SPTBN5: variants seen among roughly 807,000 people sequenced by gnomAD.
The protein encoded by SPTBN5 is spectrin beta chain, non-erythrocytic 5.
SPTBN5 carries 513 observed loss-of-function variants against 477.6 expected under a neutral mutation model. That is an observed-to-expected ratio of 1.07 (90% CI 1.00 to 1.16). The LOEUF (loss-of-function observed/expected upper bound fraction) is 1.16. SPTBN5 is among the 50% of genes most tolerant of loss of function. SPTBN5 has a pLI of 0.00. For missense variants in SPTBN5, 5,062 were observed against 4,731.8 expected (o/e 1.07, Z -2.05); for synonymous variants, 2,169 against 2,011.7 (o/e 1.08, Z -2.09).
intron 14 of SPTBN5, 126 bp from the exon 15 acceptor site, chr15:41,879,990 GAC>G: frequency 6.9e-7 from 1 of 1,449,900 alleles, no homozygotes; most frequent in Non-Finnish European, 9.3e-7. Context: ...CCCCTGGAAA[GAC>G]AGCCATCCGA....
Position 41,886,163 on chromosome 15 carries a change from C to T in SPTBN5, c.1092G>A (p.Gly364=), listed in dbSNP as rs1204225216. ...GCCGGAAGAGCAGGGCCTCTGCGGC[C>T]CCTCGCTGCTGTAGCCGGGGTGGCT... ...QEKPPRLQQR[G]AAEALLFRLQ... Residue 364 remains glycine, a synonymous_variant, in exon 7 of 68, where the codon GGG becomes GGA. Coordinates refer to ENST00000320955, the MANE Select transcript of SPTBN5 (RefSeq NM_016642.4). 1 of 1,612,454 alleles carries T rather than the reference C, an allele frequency of 6.2e-7. No individual in the cohort carries two copies. Among genetic ancestry groups the T allele is most frequent in the East Asian group, 2.2e-5 (1 of 44,872 alleles).
chr15:41,877,535 CCTTAAG>C (rs1276739196), intron 17 of SPTBN5, among the ~76,000 whole-genome samples, 179 bp from the exon 18 acceptor site: 9 of 152,244 alleles, frequency 5.9e-5, no homozygotes, highest in Non-Finnish European at 1.0e-4. Flanking sequence ...AGCCGGCCGT[CCTTAAG>C]TGTGGACTGC....
intron 3 of SPTBN5, among the ~76,000 whole-genome samples, chr15:41,892,152 G>A (rs1229712148): frequency 6.6e-6 from 1 of 152,186 alleles, no homozygotes; most frequent in African/African-American, 2.4e-5. Flanking sequence ...CTGGATGTAA[G>A]CTCCACTCCA....
In SPTBN5 at chr15:41,855,338, C is replaced by A. The variant is rs747753519; in HGVS notation, c.9309G>T (p.Glu3103Asp). 5 of 1,607,582 alleles carry A rather than the reference C, an allele frequency of 3.1e-6. 1 individual carries two copies. Among genetic ancestry groups the A allele is most frequent in the South Asian group, 2.2e-5 (2 of 91,058 alleles). Residue 3103 changes from glutamate to aspartate, a missense_variant, in exon 55 of 68, where the codon GAG becomes GAT. Coordinates refer to ENST00000320955, the MANE Select transcript of SPTBN5 (RefSeq NM_016642.4). ...GCTCCAGCTGGTGTAGCTGCAGCTG[C>A]TCCTGCAGGCCGTGCCCCCTGGCCT... ...RAEARGHGLQ[E>D]QLQLHQLERE...
chr15:41,848,146 T>G lies in SPTBN5; in HGVS notation c.*470A>C. On this transcript the variant is annotated 3_prime_UTR_variant, in exon 68 of 68. Coordinates refer to ENST00000320955, the MANE Select transcript of SPTBN5 (RefSeq NM_016642.4). ...GATACATCACAGACTCATACAAATG[T>G]GAGGCGCTGAGACCATCTGTTATTA... 1.8e-6 allele frequency: 1 copy of G among 553,436 alleles called. No homozygotes were observed. The highest frequency in any genetic ancestry group is 3.2e-6 in the Non-Finnish European group (1 of 308,982). The allele number at this position is 553,436 out of a possible 1,614,324, so 34.3% of individuals were successfully genotyped here.
intron 66 of SPTBN5, 176 bp from the exon 67 acceptor site, chr15:41,850,135 TC>T (rs1046678775): frequency 7.1e-5 from 43 of 605,316 alleles, no homozygotes; most frequent in Non-Finnish European, 1.1e-4. Flanking sequence ...GGCAGGTTTT[TC>T]CCCCATGCGT....
rs375580860 is a variant in SPTBN5, at chr15:41,851,100, C to T, written c.10794G>A (p.Arg3598=). Residue 3598 remains arginine, a synonymous_variant, in exon 65 of 68, where the codon AGG becomes AGA. Coordinates refer to ENST00000320955, the MANE Select transcript of SPTBN5 (RefSeq NM_016642.4). The part of the protein sequence containing the change: ...LLDLTGARCE[R]LRGRHGRKHT... ...GTTTCCTGCCGTGGCGGCCCCGCAG[C>T]CTCTCACACCGGGCTCCCGTGAGGT... 6.2e-7 allele frequency: 1 copy of T among 1,613,110 alleles called. No individual in the cohort carries two copies. Among genetic ancestry groups the T allele is most frequent in the African/African-American group, 1.3e-5 (1 of 74,954 alleles).
chr15:41,859,415 T>A (rs1419051324), intron 47 of SPTBN5, among the ~76,000 whole-genome samples: 2 of 152,202 alleles, frequency 1.3e-5, no homozygotes, highest in African/African-American at 4.8e-5. Flanking sequence ...TACCTCGGCC[T>A]CCCAAAGTGC....
chr15:41,881,986 GC>G lies in SPTBN5; in HGVS notation c.2406del (p.Arg803GlyfsTer18). 1 of 1,535,702 alleles carries G rather than the reference GC, an allele frequency of 6.5e-7. No individual in the cohort carries two copies. The highest frequency in any genetic ancestry group is 8.7e-7 in the Non-Finnish European group (1 of 1,150,232). ...GCCGCCCGCCCCTGCTCCTCCAGCC[GC>G]CGCAGCTCGGCCGCGAAGGCGCGCA... The part of the protein sequence containing the change: ...RVLRAFAAEL[R>X]RLEEQGRAAS... On this transcript the variant is annotated frameshift_variant, in exon 12 of 68. Transcript: ENST00000320955. LOFTEE classifies it high-confidence loss of function.
Position 41,877,205 on chromosome 15 carries a change from G to A in SPTBN5, c.3622C>T (p.Leu1208=). 1 of 1,613,970 alleles carries A rather than the reference G, an allele frequency of 6.2e-7. No homozygotes were observed. The highest frequency in any genetic ancestry group is 8.5e-7 in the Non-Finnish European group (1 of 1,179,900). Reference sequence around the variant, plus strand: ...TCTCGGCCAAACTTCTGCAGCTCCAGCCCCTCTTGCAGCCACTGCTGCCTC... The same window carrying A: ...TCTCGGCCAAACTTCTGCAGCTCCAACCCCTCTTGCAGCCACTGCTGCCTC... ...EQRQQWLQEG[L]ELQKFGREVD... Residue 1208 remains leucine (L), a synonymous_variant, in exon 18 of 68, where the codon CTG becomes TTG. Coordinates refer to ENST00000320955, the MANE Select transcript of SPTBN5 (RefSeq NM_016642.4).
At chr15:41,886,740 A>C (rs1053478468) in intron 6 of SPTBN5, among the ~76,000 whole-genome samples, 2 of 151,886 alleles carry the variant, frequency 1.3e-5, no homozygotes, top group Non-Finnish European at 2.9e-5. Context: ...ACCCCCACCC[A>C]CACCCCAAAT....
At chr15:41,876,527 G>T in intron 20 of SPTBN5, 21 bp downstream of exon 20, 2 of 1,569,718 alleles carry the variant, frequency 1.3e-6, no homozygotes, top group Non-Finnish European at 1.7e-6. Context: ...GGCGTCATGC[G>T]ACCTGGGCCC....
intron 62 of SPTBN5, 136 bp downstream of exon 62, chr15:41,852,046 A>T: frequency 9.0e-7 from 1 of 1,116,306 alleles, no homozygotes; most frequent in Non-Finnish European, 1.3e-6. Flanking sequence ...CTTTATTCCT[A>T]ATGACCTTCA....
chr15:41,848,810 T>C (rs1015615110), intron 67 of SPTBN5, among the ~76,000 whole-genome samples, 182 bp from the exon 68 acceptor site: 9 of 151,890 alleles, frequency 5.9e-5, no homozygotes, highest in African/African-American at 2.2e-4. Context: ...CGTGAGTGGG[T>C]GGGAGTTGCC....
In SPTBN5 at chr15:41,865,906, G is replaced by A. The variant is rs1008586156; in HGVS notation, c.6823-3C>T. On this transcript the variant is annotated splice_polypyrimidine_tract_variant and splice_region_variant and intron_variant, in intron 38 of 67. Transcript: ENST00000320955. The stretch of plus-strand genomic sequence containing the variant: ...TCACCAACATTCATCTTCACCTCCT[G>A]TGAAGGCCGAGGGTGGGGAGGGAGC... The A allele has an allele frequency of 1.3e-6, 2 of 1,570,586 alleles. No homozygotes were observed. Among genetic ancestry groups the A allele is most frequent in the Non-Finnish European group, 1.7e-6 (2 of 1,158,006 alleles).
At chr15:41,868,000 T>A in intron 34 of SPTBN5, 69 bp downstream of exon 34, 1 of 1,502,656 alleles carries the variant, frequency 6.7e-7, no homozygotes, top group African/African-American at 1.4e-5. Flanking sequence ...GGAAAGGGAC[T>A]GAGCAGAGAG....
intron 41 of SPTBN5, 58 bp from the exon 42 acceptor site, chr15:41,862,961 G>A (rs981188157): frequency 6.7e-7 from 1 of 1,485,880 alleles, no homozygotes; most frequent in Non-Finnish European, 9.1e-7. Context: ...CCTCCTTCCT[G>A]GCAAAGGGCC....
intron 18 of SPTBN5, 39 bp from the exon 19 acceptor site, chr15:41,876,987 G>A (rs777650969): frequency 1.3e-6 from 2 of 1,584,164 alleles, no homozygotes; most frequent in African/African-American, 2.7e-5. Flanking sequence ...CTGGGAGAAT[G>A]GGGGTCAGGA....
intron 61 of SPTBN5, 40 bp from the exon 62 acceptor site, chr15:41,852,356 G>A: frequency 6.6e-7 from 1 of 1,523,952 alleles, no homozygotes; most frequent in Non-Finnish European, 8.9e-7. Context: ...AGCCAGGTCA[G>A]GGAGACCAGC....
Sources: gnomAD v4.1 joint callset for allele counts (sites outside exome capture counted in the v4.1 genomes callset) on GRCh38, gnomAD v4.1.1 for gene constraint, MANE v1.5 for transcripts, NCBI Gene and HGNC (gene_info 2026-07-23, HGNC 2026-07-21) for gene names.